The following MEI1 variants were observed in gnomAD, a reference collection of about 807,000 sequenced individuals.
MEI1 encodes meiosis inhibitor protein 1.
Under a neutral mutation model 146.2 loss-of-function variants are expected in MEI1, and 103 were observed. That is an observed-to-expected ratio of 0.70 (90% CI 0.60 to 0.83). The LOEUF is 0.83. Among genes scored for constraint, MEI1 ranks in the 40% least tolerant of loss-of-function variants. The probability of loss-of-function intolerance (pLI) is 0.00; values close to 1 mark genes in which losing one functional copy is unlikely to be tolerated. For synonymous variants in MEI1, 652 were observed against 628.2 expected (o/e 1.04, Z -0.57); for missense variants, 1,529 against 1,533.0 (o/e 1.00, Z 0.04).
chr22:41,719,069 G>A (rs983246662), intron 6 of MEI1, among the ~76,000 whole-genome samples: 2 of 145,490 alleles, frequency 1.4e-5, no homozygotes, highest in Non-Finnish European at 1.5e-5. Context: ...TGCAAGCTCC[G>A]CCTCCCGGGT....
Position 41,767,539 on chromosome 22 carries a change from C to T in MEI1, c.2269-3147C>T, listed in dbSNP as rs770103501. 1.5e-5 allele frequency: 7 copies of T among 455,802 alleles called. No individual in the cohort carries two copies. The East Asian group carries it at 4.9e-4, about 32-fold the overall frequency. The allele number at this position is 455,802 out of a possible 1,614,324, so 28.2% of individuals were successfully genotyped here. A position where few individuals can be genotyped will look rare whatever the true frequency, so the allele number is the denominator to read the frequency against. On this transcript the variant is annotated intron_variant, in intron 19 of 30. Coordinates refer to ENST00000401548, the MANE Select transcript of MEI1 (RefSeq NM_152513.4). ...TGTGGGGATGGATATTTCAGAGTGT[C>T]AGGCCTTACTTATGCCTGGAAACTC...
Position 41,718,262 on chromosome 22 carries a change from A to G in MEI1, c.721A>G (p.Ile241Val). ...LDGAQTKELQ[I>V]NCLGLLRQLL... is the part of the protein sequence containing the mutation. The stretch of plus-strand genomic sequence containing the variant: ...TGGTGCCCAGACAAAGGAGCTGCAG[A>G]TTAACTGCTTGGGTAAGACATGAGG... Residue 241 changes from isoleucine to valine, a missense_variant, in exon 6 of 31, where the codon ATT becomes GTT. By Grantham distance (29) the Ile-to-Val change is conservative. Around this residue, in one of 3 missense-constraint regions of MEI1, gnomAD observed 1,212 missense variants for 1,178.9 expected, o/e 1.03. Coordinates refer to ENST00000401548, the MANE Select transcript of MEI1 (RefSeq NM_152513.4). 1 of 1,613,908 alleles carries G rather than the reference A, an allele frequency of 6.2e-7. No individual in the cohort carries two copies. Among genetic ancestry groups the G allele is most frequent in the African/African-American group, 1.3e-5 (1 of 75,046 alleles).
rs376167569 is a variant in MEI1 at position 41,781,713 on chromosome 22, C to T, written c.2955C>T (p.Gly985=). The change falls in exon 24 of 31, where the codon GGC becomes GGT. Residue 985 remains glycine (G), a synonymous_variant. Transcript: ENST00000401548. ...RAAAVLLSST[G]LMELLEKMLA... ...CTGCAGTGCTCCTGAGCAGCACAGG[C>T]CTGATGGAGCTTCTGGAGAAGATGC... 99 of 1,613,548 alleles carry T rather than the reference C, an allele frequency of 6.1e-5. No homozygotes were observed. The African/African-American group carries it at 1.1e-3, about 18-fold the overall frequency.
At chr22:41,717,616 T>C (rs1490078770) in intron 5 of MEI1, among the ~76,000 whole-genome samples, 1 of 148,188 alleles carries the variant, frequency 6.7e-6, no homozygotes, top group Non-Finnish European at 1.5e-5. Context: ...CTTTTTTCTT[T>C]TCTTTTTTTT....
Position 41,795,962 on chromosome 22 carries a change from G to T in MEI1, c.3779+115G>T. On this transcript the variant is annotated intron_variant, in intron 30 of 30. Coordinates refer to ENST00000401548, the MANE Select transcript of MEI1 (RefSeq NM_152513.4). The surrounding 1 kb of genome is among the most constrained non-coding windows in gnomAD (Gnocchi z 4.2). ...GTAGCAGTGTCCTCTCTCATGAAGA[G>T]GTGGGTGATGTTCTGCAAGGTGTGG... 1.2e-6 allele frequency: 2 copies of T among 1,612,108 alleles called. No homozygotes were observed. Among genetic ancestry groups the T allele is most frequent in the Non-Finnish European group, 1.7e-6 (2 of 1,179,788 alleles).
chr22:41,700,353 C>A (rs1003506837), intron 1 of MEI1, among the ~76,000 whole-genome samples: 1 of 152,232 alleles, frequency 6.6e-6, no homozygotes. Context: ...TGTTTCGAGA[C>A]GGAGTCTCGC....
chr22:41,726,825 G>A (rs984990972), intron 7 of MEI1, among the ~76,000 whole-genome samples: 2 of 151,458 alleles, frequency 1.3e-5, no homozygotes, highest in Admixed American at 1.3e-4. Context: ...CCAGGCTGGA[G>A]TGCAGTGGCG....
At chr22:41,734,926 T>C (rs995923866) in intron 11 of MEI1, among the ~76,000 whole-genome samples, 1 of 151,760 alleles carries the variant, frequency 6.6e-6, no homozygotes, top group African/African-American at 2.4e-5. Context: ...TATGAGCCAC[T>C]TGCACCTGGC....
intron 1 of MEI1, among the ~76,000 whole-genome samples, chr22:41,699,936 T>A (rs1279743289): frequency 1.3e-5 from 2 of 152,222 alleles, no homozygotes; most frequent in African/African-American, 2.4e-5. Flanking sequence ...CCCGGTCCAC[T>A]GGCTCTGCGC....
rs759045672 is a variant in MEI1 at position 41,705,491 on chromosome 22, C to T, written c.299-13C>T. ...TGCCTAACCACCCCTTTCTTACCTCCCTCTGCTCCAAGGACTATTATGCAG... is the reference window on the plus strand; with the variant it reads ...TGCCTAACCACCCCTTTCTTACCTCTCTCTGCTCCAAGGACTATTATGCAG... On this transcript the variant is annotated splice_polypyrimidine_tract_variant and intron_variant, in intron 2 of 30. Transcript: ENST00000401548. 6.2e-7 allele frequency: 1 copy of T among 1,613,390 alleles called. No individual in the cohort carries two copies.
intron 3 of MEI1, among the ~76,000 whole-genome samples, chr22:41,712,376 A>G (rs1280072227): frequency 6.6e-6 from 1 of 150,928 alleles, no homozygotes; most frequent in Non-Finnish European, 1.5e-5. Flanking sequence ...CTGGGACTAC[A>G]GGCGCCCACC....
At chr22:41,760,818 C>G (rs1368706213) in intron 18 of MEI1, among the ~76,000 whole-genome samples, 2 of 152,180 alleles carry the variant, frequency 1.3e-5, no homozygotes, top group Admixed American at 1.3e-4. Flanking sequence ...TCACAGTGTT[C>G]TTCCATACAA....
At chr22:41,740,085 T>C (rs1170034679) in intron 11 of MEI1, among the ~76,000 whole-genome samples, 1 of 151,966 alleles carries the variant, frequency 6.6e-6, no homozygotes, top group Non-Finnish European at 1.5e-5. Context: ...AGTGGCTCGA[T>C]CTCGGTTCAC....
intron 28 of MEI1, among the ~76,000 whole-genome samples, chr22:41,794,927 C>T (rs930125277): frequency 1.3e-5 from 2 of 152,326 alleles, no homozygotes; most frequent in Non-Finnish European, 2.9e-5. Flanking sequence ...CTAAGAATGA[C>T]AGCGAAGTGG....
At chr22:41,784,551 CTGGGTGGGAGG>C in intron 25 of MEI1, 46 bp from the exon 26 acceptor site, 1 of 1,598,630 alleles carries the variant, frequency 6.3e-7, no homozygotes, top group Non-Finnish European at 8.5e-7. Flanking sequence ...TGTGACAGAG[CTGGGTGGGAGG>C]TGGGAAGGAG....
chr22:41,759,632 A>ATAAATAAATAAAT (rs1569268701), intron 18 of MEI1, among the ~76,000 whole-genome samples: 2 of 135,678 alleles, frequency 1.5e-5, no homozygotes, highest in African/African-American at 6.1e-5. Context: ...TCCGTCTCAA[A>ATAAATAAATAAAT]AAATAAATAA....
At chr22:41,729,390 G>A (rs1284633434) in intron 7 of MEI1, among the ~76,000 whole-genome samples, 1 of 152,166 alleles carries the variant, frequency 6.6e-6, no homozygotes, top group Non-Finnish European at 1.5e-5. Context: ...ATGAAGGCTT[G>A]AGCACTTATT....
chr22:41,742,196 G>T (rs5758447), intron 11 of MEI1, among the ~76,000 whole-genome samples: 96,916 of 151,814 alleles, frequency 0.64, 34,082 homozygotes, highest in East Asian at 0.92. Context: ...GGAGATGGAG[G>T]TTGCAGGGAG....
At chr22:41,754,813 T>G (rs1436154981) in intron 17 of MEI1, among the ~76,000 whole-genome samples, 1 of 152,196 alleles carries the variant, frequency 6.6e-6, no homozygotes, top group African/African-American at 2.4e-5. Context: ...AGCCCTGCTG[T>G]CATAAATTGA....
Sources: gnomAD v4.1 joint callset for allele counts (sites outside exome capture counted in the v4.1 genomes callset) on GRCh38, gnomAD v4.1.1 for gene constraint, gnomAD v4.1.1 regional missense constraint, Gnocchi (gnomAD v3.1) non-coding constraint, MANE v1.5 for transcripts, NCBI Gene and HGNC (gene_info 2026-07-23, HGNC 2026-07-21) for gene names.